OSBPL6: variants seen among roughly 807,000 people sequenced by gnomAD.
OSBPL6 encodes the protein oxysterol binding protein like 6.
A neutral mutation model predicts 125.8 loss-of-function variants in OSBPL6; 49 were observed. That is an observed-to-expected ratio of 0.39 (90% CI 0.31 to 0.49). The LOEUF is 0.49. Among genes scored for constraint, OSBPL6 ranks in the 20% least tolerant of loss-of-function variants. The pLI, the probability that OSBPL6 is intolerant of heterozygous loss-of-function variation, is 0.88. For missense variants in OSBPL6, 986 were observed against 1,135.4 expected (o/e 0.87, Z 1.89); for synonymous variants, 394 against 391.8 (o/e 1.01, Z -0.07).
chr2:178,235,430 A>G (rs1240712233), intron 1 of OSBPL6, among the ~76,000 whole-genome samples: 1 of 102,498 alleles, frequency 9.8e-6, no homozygotes, highest in Non-Finnish European at 1.9e-5. Context: ...TTTTTGAGAC[A>G]AAGTCTCGCT....
chr2:178,258,957 A>G (rs2091971521), intron 1 of OSBPL6, among the ~76,000 whole-genome samples: 1 of 152,178 alleles, frequency 6.6e-6, no homozygotes, highest in Non-Finnish European at 1.5e-5. Context: ...TTACAGAAAG[A>G]TAATTCTCTG....
chr2:178,261,920 CA>C (rs1321063417), intron 1 of OSBPL6, among the ~76,000 whole-genome samples: 1 of 152,200 alleles, frequency 6.6e-6, no homozygotes, highest in African/African-American at 2.4e-5. Flanking sequence ...CTCATGTCCA[CA>C]GTGGTTCTGG....
Position 178,373,968 on chromosome 2 carries a change from G to T in OSBPL6, c.1474G>T (p.Val492Phe). Reference sequence around the variant, plus strand: ...GAGCCGCCTCTCCATGTCAGAGTCTGTTTCTGAGTTCTTTGATGCCCAAGA... The same window carrying T: ...GAGCCGCCTCTCCATGTCAGAGTCTTTTTCTGAGTTCTTTGATGCCCAAGA... ...NESRLSMSES[V>F]SEFFDAQEVL... The change falls in exon 15 of 25, where the codon GTT (valine) becomes TTT (phenylalanine). Residue 492 changes from valine to phenylalanine, a missense_variant. Transcript: ENST00000190611. 1.2e-6 allele frequency: 2 copies of T among 1,614,114 alleles called. No homozygotes were observed. Among genetic ancestry groups the T allele is most frequent in the Non-Finnish European group, 8.5e-7 (1 of 1,179,964 alleles).
At chr2:178,221,179 T>G (rs1183217205) in intron 1 of OSBPL6, among the ~76,000 whole-genome samples, 1 of 152,102 alleles carries the variant, frequency 6.6e-6, no homozygotes, top group African/African-American at 2.4e-5. Context: ...AAACAGTCTG[T>G]GGAAATCTTG....
intron 12 of OSBPL6, among the ~76,000 whole-genome samples, chr2:178,351,689 T>C (rs1691270868): frequency 6.6e-6 from 1 of 152,226 alleles, no homozygotes; most frequent in Admixed American, 6.5e-5. Flanking sequence ...GTGTTTTGCA[T>C]GAACATGGAT....
chr2:178,221,418 T>G (rs2090335178), intron 1 of OSBPL6, among the ~76,000 whole-genome samples: 1 of 152,172 alleles, frequency 6.6e-6, no homozygotes, highest in Non-Finnish European at 1.5e-5. Flanking sequence ...CTTTAATACG[T>G]GACTGGGTCA....
At chr2:178,368,696 A>C (rs1318530095) in intron 13 of OSBPL6, among the ~76,000 whole-genome samples, 1 of 152,162 alleles carries the variant, frequency 6.6e-6, no homozygotes, top group Non-Finnish European at 1.5e-5. Flanking sequence ...CCATCATTAA[A>C]AAAAAAATAG....
intron 1 of OSBPL6, among the ~76,000 whole-genome samples, chr2:178,266,681 A>G (rs923970497): frequency 5.9e-5 from 9 of 152,352 alleles, no homozygotes; most frequent in Admixed American, 5.2e-4. Context: ...TCTTCACTCC[A>G]GTGATAACAG....
intron 2 of OSBPL6, among the ~76,000 whole-genome samples, chr2:178,303,768 C>T (rs933942068): frequency 6.6e-6 from 1 of 152,146 alleles, no homozygotes; most frequent in African/African-American, 2.4e-5. Flanking sequence ...TTAGCCTCAA[C>T]CCTGCCTCCC....
chr2:178,268,690 CT>C (rs914275722), intron 1 of OSBPL6, among the ~76,000 whole-genome samples: 1 of 151,712 alleles, frequency 6.6e-6, no homozygotes, highest in African/African-American at 2.4e-5. Context: ...ATGAATCATT[CT>C]TTTTTTATTC....
chr2:178,282,437 T>C (rs892742025), intron 1 of OSBPL6, among the ~76,000 whole-genome samples: 2 of 152,186 alleles, frequency 1.3e-5, no homozygotes, highest in African/African-American at 4.8e-5. Flanking sequence ...TGGTTTACCT[T>C]CCCACTTGTT....
intron 3 of OSBPL6, among the ~76,000 whole-genome samples, chr2:178,307,390 A>T (rs334607): frequency 6.6e-6 from 1 of 152,162 alleles, no homozygotes; most frequent in Non-Finnish European, 1.5e-5. Flanking sequence ...GTGCTAATGT[A>T]TATATCTTTC....
intron 2 of OSBPL6, among the ~76,000 whole-genome samples, chr2:178,286,206 G>A (rs1364001556): frequency 6.6e-6 from 1 of 152,180 alleles, no homozygotes; most frequent in Non-Finnish European, 1.5e-5. Context: ...AGATAGATCA[G>A]ATATCTGGTT....
chr2:178,370,949 G>A (rs982292658), intron 13 of OSBPL6, among the ~76,000 whole-genome samples: 2 of 152,234 alleles, frequency 1.3e-5, no homozygotes, highest in African/African-American at 4.8e-5. Flanking sequence ...CAAGGAGTAA[G>A]CAATGAAGAG....
rs1696104787 is a variant in OSBPL6, at chr2:178,401,584, CAA to C, written c.*6026_*6027del. The C allele has an allele frequency of 6.6e-6, 1 of 152,072 alleles. No individual in the cohort carries two copies. Among genetic ancestry groups the C allele is most frequent in the African/African-American group, 2.4e-5 (1 of 41,390 alleles). 9.4% of individuals were successfully genotyped at this position (152,072 alleles called of 1,614,324 possible). ...TTAACATGAAATGCTAATGAAGAAA[CAA>C]GGCAAGAATGAATACAAGAGAAATG... On this transcript the variant is annotated 3_prime_UTR_variant, in exon 25 of 25. Coordinates refer to ENST00000190611, the MANE Select transcript of OSBPL6 (RefSeq NM_032523.4).
intron 3 of OSBPL6, chr2:178,320,547 C>T (rs1023578463): frequency 1.7e-5 from 14 of 812,152 alleles, no homozygotes; most frequent in Non-Finnish European, 2.5e-5. Flanking sequence ...AACTTGCTTA[C>T]ATAATGTGTG....
At chr2:178,347,526 C>A (rs1690835893) in intron 11 of OSBPL6, among the ~76,000 whole-genome samples, 1 of 152,158 alleles carries the variant, frequency 6.6e-6, no homozygotes, top group South Asian at 2.1e-4. Flanking sequence ...TTGAGCATCA[C>A]CACAGTTAGG....
chr2:178,213,931 C>G (rs571633130), intron 1 of OSBPL6, among the ~76,000 whole-genome samples: 2 of 152,254 alleles, frequency 1.3e-5, no homozygotes, highest in African/African-American at 4.8e-5. Flanking sequence ...GGTGGCATTT[C>G]CAAAAGCCCT....
At chr2:178,277,478 C>A (rs333994) in intron 1 of OSBPL6, among the ~76,000 whole-genome samples, 24 of 151,940 alleles carry the variant, frequency 1.6e-4, no homozygotes, top group South Asian at 2.1e-4. Context: ...TTTCCCTACC[C>A]TCAGAGAAAT....
Sources: gnomAD v4.1 joint callset for allele counts (sites outside exome capture counted in the v4.1 genomes callset) on GRCh38, gnomAD v4.1.1 for gene constraint, MANE v1.5 for transcripts, NCBI Gene and HGNC (gene_info 2026-07-23, HGNC 2026-07-21) for gene names.